The following PPP1R37 variants were observed in gnomAD, a reference collection of about 807,000 sequenced individuals.
The protein encoded by PPP1R37 is protein phosphatase 1 regulatory subunit 37.
In PPP1R37, 21 loss-of-function variants were observed where a neutral mutation model predicts 61.0. The observed-to-expected ratio is 0.34, with a 90% CI of 0.24 to 0.50. PPP1R37 has a LOEUF of 0.50. Among genes scored for constraint, PPP1R37 ranks in the 20% least tolerant of loss-of-function variants. The pLI is 0.98. For missense variants in PPP1R37, 910 were observed against 952.7 expected (o/e 0.96, Z 0.59); for synonymous variants, 443 against 433.5 (o/e 1.02, Z -0.27).
chr19:45,128,675 G>C lies in PPP1R37; in HGVS notation c.203-9839G>C. 5 of 1,195,662 alleles carry C rather than the reference G, an allele frequency of 4.2e-6. No homozygotes were observed. In the South Asian group the frequency reaches 6.3e-5, roughly 15 times the overall value. The allele number at this position is 1,195,662 out of a possible 1,614,324, so 74.1% of individuals were successfully genotyped here. On this transcript the variant is annotated intron_variant, in intron 1 of 12. Coordinates refer to ENST00000221462, the MANE Select transcript of PPP1R37 (RefSeq NM_019121.2). The stretch of plus-strand genomic sequence containing the variant: ...CTGGCTTCGTGGTGCTCAAAGGCTG[G>C]CCCTGTAAGGTCTTTGAGATGTCTG...
At chr19:45,127,203 G>A (rs1044906851) in intron 1 of PPP1R37, among the ~76,000 whole-genome samples, 1 of 152,070 alleles carries the variant, frequency 6.6e-6, no homozygotes. Context: ...TACAAAATTA[G>A]CCTGGCGTGG....
At chr19:45,097,548 A>G (rs1968008573) in intron 1 of PPP1R37, among the ~76,000 whole-genome samples, 1 of 151,836 alleles carries the variant, frequency 6.6e-6, no homozygotes, top group African/African-American at 2.4e-5. Context: ...GCGCTCCCTC[A>G]GGCCCTGCAG....
chr19:45,117,841 C>G (rs1191011448), intron 1 of PPP1R37, among the ~76,000 whole-genome samples: 1 of 152,214 alleles, frequency 6.6e-6, no homozygotes, highest in Non-Finnish European at 1.5e-5. Context: ...GCTCCGTAAG[C>G]CAGTGCTCGT....
At chr19:45,094,181 A>T (rs192898727) in intron 1 of PPP1R37, among the ~76,000 whole-genome samples, 12 of 152,326 alleles carry the variant, frequency 7.9e-5, no homozygotes, top group African/African-American at 2.9e-4. Flanking sequence ...ACAAGGTCTC[A>T]CTACATTGCC....
chr19:45,097,308 G>A (rs190084215), intron 1 of PPP1R37, among the ~76,000 whole-genome samples: 23 of 152,102 alleles, frequency 1.5e-4, no homozygotes, highest in African/African-American at 5.3e-4. Context: ...AGGGGTAACA[G>A]AAGAGCTGAC....
Position 45,146,594 on chromosome 19 carries a change from G to A in PPP1R37, c.*32G>A, listed in dbSNP as rs960279938. On this transcript the variant is annotated 3_prime_UTR_variant, in exon 13 of 13. Coordinates refer to ENST00000221462, the MANE Select transcript of PPP1R37 (RefSeq NM_019121.2). ...AGTTCCCTTTTTCCGGTCGGTCTGC[G>A]ATGAGCTGAGGCCAGAGCCATGAGA... 7.1e-5 allele frequency: 52 copies of A among 730,912 alleles called. No homozygotes were observed. The highest frequency in any genetic ancestry group is 2.4e-4 in the Middle Eastern group (1 of 4,120). The allele number at this position is 730,912 out of a possible 1,614,324, so 45.3% of individuals were successfully genotyped here. A position where few individuals can be genotyped will look rare whatever the true frequency, so the allele number is the denominator to read the frequency against.
intron 1 of PPP1R37, among the ~76,000 whole-genome samples, chr19:45,127,707 T>C (rs566428011): frequency 6.6e-6 from 1 of 152,114 alleles, no homozygotes; most frequent in African/African-American, 2.4e-5. Flanking sequence ...CCGGGCGCGG[T>C]GGCTCACGCT....
chr19:45,139,740 T>C (rs1049536954), intron 2 of PPP1R37, among the ~76,000 whole-genome samples: 2 of 152,234 alleles, frequency 1.3e-5, no homozygotes, highest in African/African-American at 4.8e-5. Flanking sequence ...AGACCAGCCC[T>C]GCAGCACCCA....
At chr19:45,142,858 C>G (rs1968632127) in intron 7 of PPP1R37, 1 of 211,468 alleles carries the variant, frequency 4.7e-6, no homozygotes, top group South Asian at 8.3e-5. Context: ...GGGCTTCCAT[C>G]CGGAGGCTGG....
chr19:45,141,164 T>C (rs1599711376), intron 4 of PPP1R37, among the ~76,000 whole-genome samples, 158 bp from the exon 5 acceptor site: 1 of 151,918 alleles, frequency 6.6e-6, no homozygotes, highest in Admixed American at 6.6e-5. Context: ...TTTGTCCCCG[T>C]GGCTCACGGG....
intron 1 of PPP1R37, chr19:45,129,113 G>T: frequency 1.8e-6 from 1 of 548,836 alleles, no homozygotes; most frequent in South Asian, 1.6e-5. Context: ...CTGTAGGCTG[G>T]ACTCTTCCTA....
At chr19:45,120,224 A>G (rs369883134) in intron 1 of PPP1R37, among the ~76,000 whole-genome samples, 42 of 152,112 alleles carry the variant, frequency 2.8e-4, no homozygotes, top group East Asian at 1.7e-3. Flanking sequence ...TCACTGTGTT[A>G]GCCAGGATGG....
At chr19:45,117,298 G>A (rs959108741) in intron 1 of PPP1R37, among the ~76,000 whole-genome samples, 1 of 152,182 alleles carries the variant, frequency 6.6e-6, no homozygotes, top group African/African-American at 2.4e-5. Context: ...CAGAGGGAGG[G>A]AAGAGCAGTT....
chr19:45,142,983 C>T (rs531579553), intron 7 of PPP1R37: 52 of 164,730 alleles, frequency 3.2e-4, no homozygotes, highest in Non-Finnish European at 4.7e-4. Context: ...AATGGGGAGC[C>T]GTCAAAGGAG....
At chr19:45,144,803 T>C (rs1198330655) in intron 8 of PPP1R37, 51 bp from the exon 9 acceptor site, 1 of 1,445,026 alleles carries the variant, frequency 6.9e-7, no homozygotes, top group Non-Finnish European at 9.2e-7. Context: ...GCCTCCTGGG[T>C]CTCCTCCGCC....
chr19:45,131,111 T>C (rs1159405980), intron 1 of PPP1R37, among the ~76,000 whole-genome samples: 1 of 152,188 alleles, frequency 6.6e-6, no homozygotes, highest in African/African-American at 2.4e-5. Flanking sequence ...GACAGACATC[T>C]CTCTGCCTGT....
At chr19:45,123,463 G>C (rs937650032) in intron 1 of PPP1R37, among the ~76,000 whole-genome samples, 1 of 152,182 alleles carries the variant, frequency 6.6e-6, no homozygotes, top group African/African-American at 2.4e-5. Context: ...GTTCGAGAAG[G>C]CTGCATTTCT....
chr19:45,142,509 G>C, intron 7 of PPP1R37, 51 bp downstream of exon 7: 1 of 1,506,724 alleles, frequency 6.6e-7, no homozygotes. Context: ...CACCCACTCT[G>C]CCCGGCCCTG....
In PPP1R37 at chr19:45,145,370, G is replaced by T; in HGVS notation, c.1314G>T (p.Glu438Asp). The change falls in exon 11 of 13, where the codon GAG becomes GAT. Residue 438 changes from glutamate to aspartate, a missense_variant. Glu to Asp is a conservative substitution (Grantham distance 45). Transcript: ENST00000221462. ...PKKEAVKSFI[E>D]TQKALLAEIQ... The stretch of plus-strand genomic sequence containing the variant: ...CGCCACAGGTGAAGAGCTTCATCGA[G>T]ACGCAGAAGGCGCTGCTGGCCGAGA... 4 of 1,535,110 alleles carry T rather than the reference G, an allele frequency of 2.6e-6. No individual in the cohort carries two copies. The highest frequency in any genetic ancestry group is 3.5e-6 in the Non-Finnish European group (4 of 1,146,440).
Sources: gnomAD v4.1 joint callset for allele counts (sites outside exome capture counted in the v4.1 genomes callset) on GRCh38, gnomAD v4.1.1 for gene constraint, MANE v1.5 for transcripts, NCBI Gene and HGNC (gene_info 2026-07-23, HGNC 2026-07-21) for gene names.